Variants in PRKCE observed in about 807,000 individuals in gnomAD.
The protein encoded by PRKCE is protein kinase C epsilon.
Under a neutral mutation model 85.4 loss-of-function variants are expected in PRKCE, and 16 were observed. The ratio of observed to expected loss-of-function variants is 0.19; its 90% CI spans 0.13 to 0.28. PRKCE has a LOEUF of 0.28. PRKCE is among the 10% of genes least tolerant of loss of function. PRKCE has a pLI of 1.00. For missense variants in PRKCE, 573 were observed against 975.2 expected (o/e 0.59, Z 5.49); for synonymous variants, 388 against 371.5 (o/e 1.04, Z -0.51).
chr2:46,133,722 A>G (rs1436478124), intron 11 of PRKCE, among the ~76,000 whole-genome samples: 1 of 152,154 alleles, frequency 6.6e-6, no homozygotes, highest in Non-Finnish European at 1.5e-5. Context: ...AATACTGGGT[A>G]CTTTGCAGGG....
Position 45,958,842 on chromosome 2 carries a change from T to A in PRKCE, c.413-17587T>A, listed in dbSNP as rs1193377790. 2.5e-3 allele frequency among the ~76,000 whole-genome samples: 245 copies of A among 97,236 alleles called. 9 individuals carry two copies. The highest frequency in any genetic ancestry group is 9.4e-3 in the African/African-American group (236 of 25,128). 63.8% of individuals were successfully genotyped at this position (97,236 alleles called of 152,430 possible). ...TTTTTTTTTTTTTTTTTTTTTTTTT[T>A]TTTTTTTTTTTTTAATAGAATCCTT... On this transcript the variant is annotated intron_variant, in intron 2 of 14. Transcript: ENST00000306156.
At chr2:46,182,180 G>A (rs1024023719) in intron 14 of PRKCE, among the ~76,000 whole-genome samples, 6 of 152,046 alleles carry the variant, frequency 3.9e-5, no homozygotes, top group African/African-American at 1.4e-4. Context: ...AGCCTACCCA[G>A]CCCGCTCCTC....
intron 1 of PRKCE, among the ~76,000 whole-genome samples, chr2:45,727,902 C>G (rs1160902243): frequency 6.6e-6 from 1 of 152,168 alleles, no homozygotes; most frequent in South Asian, 2.1e-4. Context: ...ATCTGCCTGC[C>G]TCGGCCTCCC....
intron 2 of PRKCE, among the ~76,000 whole-genome samples, chr2:45,967,464 A>G (rs1004929742): frequency 5.3e-5 from 8 of 152,232 alleles, no homozygotes; most frequent in African/African-American, 1.9e-4. Flanking sequence ...AAGGGCAAAC[A>G]GGGGCCAGGC....
chr2:45,909,305 A>C (rs1697208578), intron 2 of PRKCE, among the ~76,000 whole-genome samples: 1 of 152,222 alleles, frequency 6.6e-6, no homozygotes, highest in African/African-American at 2.4e-5. Context: ...GAGTTTGCCA[A>C]GTATTACGAG....
Position 46,082,078 on chromosome 2 carries a change from A to T in PRKCE, c.1438-4130A>T, listed in dbSNP as rs553363839. Among the ~76,000 whole-genome samples the T allele has an allele frequency of 9.2e-5, 14 of 152,250 alleles. 2 individuals are homozygous for T. In the South Asian group the frequency reaches 2.9e-3, roughly 32 times the overall value. ...CATTACACTCCAGCCTGGGTGACAG[A>T]GCAAGACTCTCAAAAAAACTAAGCA... On this transcript the variant is annotated intron_variant, in intron 10 of 14. Transcript: ENST00000306156.
intron 2 of PRKCE, among the ~76,000 whole-genome samples, chr2:45,937,875 T>G (rs1467385726): frequency 6.6e-6 from 1 of 152,162 alleles, no homozygotes; most frequent in Non-Finnish European, 1.5e-5. Flanking sequence ...CCCACTTTTC[T>G]TTAAAGAGGT....
chr2:45,969,834 A>G (rs1035379045), intron 2 of PRKCE, among the ~76,000 whole-genome samples: 2 of 152,158 alleles, frequency 1.3e-5, no homozygotes, highest in African/African-American at 4.8e-5. Context: ...ATTGGGGTGT[A>G]TTATTGTTCA....
At chr2:45,755,183 A>G (rs1224043457) in intron 1 of PRKCE, among the ~76,000 whole-genome samples, 2 of 152,168 alleles carry the variant, frequency 1.3e-5, no homozygotes, top group African/African-American at 4.8e-5. Context: ...GCCACTCCAC[A>G]TTGTATAAGG....
chr2:46,008,720 C>T (rs1307444772), intron 9 of PRKCE, among the ~76,000 whole-genome samples: 1 of 152,212 alleles, frequency 6.6e-6, no homozygotes, highest in African/African-American at 2.4e-5. Flanking sequence ...GAAGCAATTA[C>T]ATTCTTTAGA....
intron 2 of PRKCE, among the ~76,000 whole-genome samples, chr2:45,954,298 A>G (rs1159903273): frequency 1.3e-5 from 2 of 152,262 alleles, no homozygotes; most frequent in Admixed American, 6.5e-5. Context: ...TATTGGAGTC[A>G]AAAGAATTTA....
At chr2:45,692,314 T>G (rs1677793800) in intron 1 of PRKCE, among the ~76,000 whole-genome samples, 1 of 152,140 alleles carries the variant, frequency 6.6e-6, no homozygotes, top group Non-Finnish European at 1.5e-5. Context: ...CTCTGAAACA[T>G]GTCGGGGAGT....
At chr2:45,856,959 G>A (rs990320522) in intron 2 of PRKCE, among the ~76,000 whole-genome samples, 3 of 152,186 alleles carry the variant, frequency 2.0e-5, no homozygotes, top group African/African-American at 7.2e-5. Context: ...TCATCAGATG[G>A]GAATTTAGGT....
chr2:46,164,343 C>CGT (rs1175888285), intron 14 of PRKCE, among the ~76,000 whole-genome samples: 3 of 152,136 alleles, frequency 2.0e-5, no homozygotes, highest in African/African-American at 7.2e-5. Flanking sequence ...AGACATTGGG[C>CGT]GTGTGTTTAA....
chr2:46,072,758 T>A (rs894563616), intron 10 of PRKCE, among the ~76,000 whole-genome samples: 2 of 152,274 alleles, frequency 1.3e-5, no homozygotes, highest in South Asian at 2.1e-4. Context: ...ATGAGATACC[T>A]CTTGTAGGAA....
At chr2:46,102,428 A>T (rs1671330595) in intron 11 of PRKCE, among the ~76,000 whole-genome samples, 2 of 152,212 alleles carry the variant, frequency 1.3e-5, no homozygotes, top group African/African-American at 4.8e-5. Context: ...CTTTAGATTT[A>T]CAGAATAGTT....
At chr2:45,958,617 C>T (rs1326840945) in intron 2 of PRKCE, among the ~76,000 whole-genome samples, 1 of 150,092 alleles carries the variant, frequency 6.7e-6, no homozygotes, top group Non-Finnish European at 1.5e-5. Context: ...GCCTCTCACA[C>T]ACCCCCTATG....
chr2:45,745,282 C>CAGAT (rs905462424), intron 1 of PRKCE, among the ~76,000 whole-genome samples: 14 of 152,300 alleles, frequency 9.2e-5, no homozygotes, highest in Middle Eastern at 3.4e-3. Flanking sequence ...GCCCGGGACA[C>CAGAT]AGATACCTTA....
At chr2:46,121,234 T>A (rs908382878) in intron 11 of PRKCE, among the ~76,000 whole-genome samples, 5 of 152,218 alleles carry the variant, frequency 3.3e-5, no homozygotes, top group African/African-American at 1.2e-4. Context: ...GCTTTGGCAT[T>A]CTTGGGGTTA....
Sources: allele counts gnomAD v4.1 joint callset (sites outside exome capture counted in the v4.1 genomes callset), GRCh38; gene constraint gnomAD v4.1.1; transcripts MANE v1.5; gene names NCBI Gene and HGNC (gene_info 2026-07-23, HGNC 2026-07-21).